Variants in TRAF3IP1 observed in about 807,000 individuals in gnomAD.
The protein encoded by TRAF3IP1 is TRAF3-interacting protein 1.
A neutral mutation model predicts 89.9 loss-of-function variants in TRAF3IP1; 53 were observed. That is an observed-to-expected ratio of 0.59 (90% CI 0.47 to 0.74). The LOEUF (loss-of-function observed/expected upper bound fraction) is 0.74, where lower values mean the gene tolerates loss of function less well. Among genes scored for constraint, TRAF3IP1 ranks in the 30% least tolerant of loss-of-function variants. The probability of loss-of-function intolerance (pLI) is 0.00; values close to 1 mark genes in which losing one functional copy is unlikely to be tolerated. For missense variants in TRAF3IP1, 806 were observed against 866.1 expected (o/e 0.93, Z 0.87); for synonymous variants, 311 against 322.1 (o/e 0.97, Z 0.37).
In TRAF3IP1 at chr2:238,397,356, C is replaced by T. The variant is rs187704235; in HGVS notation, c.1690-103C>T. 519 of 955,564 alleles carry T rather than the reference C, an allele frequency of 5.4e-4. 1 individual carries two copies. In the African/African-American group the frequency reaches 6.2e-3, roughly 11 times the overall value. The allele number at this position is 955,564 out of a possible 1,614,324, so 59.2% of individuals were successfully genotyped here. On this transcript the variant is annotated intron_variant, in intron 15 of 16. Transcript: ENST00000373327. Reference sequence around the variant, plus strand: ...CCACAACCAGCACTGTCTCTGCCTGCGCCTTTCCTCCCAGCCCCATGGCCG... The same window carrying T: ...CCACAACCAGCACTGTCTCTGCCTGTGCCTTTCCTCCCAGCCCCATGGCCG...
rs149016085 is a variant in TRAF3IP1 at position 238,334,011 on chromosome 2, C to T, written c.1039C>T (p.Arg347Trp). ...GTCATTGACAACAAAAACATCAAAA[C>T]GGCGATCCAAAAATTCAGTGGAAGG... ...SKSLTTKTSK[R>W]RSKNSVEGRK... The change falls in exon 7 of 17, where the codon CGG (arginine) becomes TGG (tryptophan). Residue 347 changes from arginine to tryptophan, a missense_variant. Arg to Trp is a moderately radical substitution (Grantham distance 101). This residue lies in a region of TRAF3IP1 where 732 missense variants were observed against 780.5 expected (regional missense o/e 0.94). Coordinates refer to ENST00000373327, the MANE Select transcript of TRAF3IP1 (RefSeq NM_015650.4). 550 of 1,610,848 alleles carry T rather than the reference C, an allele frequency of 3.4e-4. No homozygotes were observed. The highest frequency in any genetic ancestry group is 5.4e-4 in the Admixed American group (32 of 59,662).
In TRAF3IP1 at chr2:238,398,962, A is replaced by T. The variant is rs1559402779; in HGVS notation, c.*43A>T. 2.6e-6 allele frequency: 4 copies of T among 1,530,678 alleles called. No homozygotes were observed. Among genetic ancestry groups the T allele is most frequent in the Non-Finnish European group, 3.5e-6 (4 of 1,134,990 alleles). 94.8% of individuals were successfully genotyped at this position (1,530,678 alleles called of 1,614,324 possible). On this transcript the variant is annotated 3_prime_UTR_variant, in exon 17 of 17. Coordinates refer to ENST00000373327, the MANE Select transcript of TRAF3IP1 (RefSeq NM_015650.4). ...AGATGAAAAGTCACCTCAGTTTAAAAGCAAAAAGGAAGATAGAAAATCATT... is the reference window on the plus strand; with the variant it reads ...AGATGAAAAGTCACCTCAGTTTAAATGCAAAAAGGAAGATAGAAAATCATT...
Position 238,325,301 on chromosome 2 carries a change from T to G in TRAF3IP1, c.124-5T>G, listed in dbSNP as rs1553609359. ...GACATGGTGGCCTTTCTTTCTCTCT[T>G]GAAGGTGATTAGAATGACTGGTTTC... On this transcript the variant is annotated splice_polypyrimidine_tract_variant and splice_region_variant and intron_variant, in intron 1 of 16. Transcript: ENST00000373327. 2 of 1,614,108 alleles carry G rather than the reference T, an allele frequency of 1.2e-6. No individual in the cohort carries two copies. Among genetic ancestry groups the G allele is most frequent in the Non-Finnish European group, 8.5e-7 (1 of 1,179,994 alleles).
intron 15 of TRAF3IP1, among the ~76,000 whole-genome samples, chr2:238,362,155 C>A (rs539076987): frequency 8.3e-4 from 127 of 152,300 alleles, no homozygotes; most frequent in African/African-American, 3.0e-3. Context: ...CCTGCCGGGC[C>A]AGTCCCCCTT....
At chr2:238,347,620 GTATT>G (rs987589206) in intron 10 of TRAF3IP1, 145 bp downstream of exon 10, 72 of 733,820 alleles carry the variant, frequency 9.8e-5, no homozygotes, top group Non-Finnish European at 1.1e-4. Flanking sequence ...CTACCCTAAT[GTATT>G]TATTTATTTA....
At position 238,344,575 on chromosome 2, in the gene TRAF3IP1, C is replaced by T. The variant is rs770529009; in HGVS notation, c.1238C>T (p.Pro413Leu). 1 of 1,614,084 alleles carries T rather than the reference C, an allele frequency of 6.2e-7. No homozygotes were observed. Among genetic ancestry groups the T allele is most frequent in the Middle Eastern group, 1.6e-4 (1 of 6,062 alleles). ...SASLRCENIQ[P>L]NPTEKQKGDS... ...AGTCTGCGGTGTGAGAATATTCAGC[C>T]CAACCCCACAGAGAAGCAGAAAGGT... The change falls in exon 9 of 17, where the codon CCC becomes CTC. Residue 413 changes from proline to leucine, a missense_variant. Pro to Leu is a moderately conservative substitution (Grantham distance 98, BLOSUM62 -3). Around this residue, in one of 3 missense-constraint regions of TRAF3IP1, gnomAD observed 732 missense variants for 780.5 expected, o/e 0.94. Transcript: ENST00000373327.
In TRAF3IP1 at chr2:238,351,864, T is replaced by TGCGCGCGC. The variant is rs1247267370; in HGVS notation, c.1452-962_1452-961insCGCGCGCG. Among the ~76,000 whole-genome samples the TGCGCGCGC allele has an allele frequency of 8.9e-6, 1 of 112,240 alleles. No homozygotes were observed. The highest frequency in any genetic ancestry group is 1.8e-5 in the Non-Finnish European group (1 of 56,734). The allele number at this position is 112,240 out of a possible 152,430, so 73.6% of individuals were successfully genotyped here. On this transcript the variant is annotated intron_variant, in intron 12 of 16. Transcript: ENST00000373327. This position sits in a 1 kb window ranked among gnomAD's most constrained non-coding sequence, Gnocchi z 5.2. ...GTGTGTGTGTGTGTGTGTGTGTGTG[T>TGCGCGCGC]GTGCGCGCGCGCGCGTGTGCGTGCA...
At chr2:238,374,815 T>C (rs1177366999) in intron 15 of TRAF3IP1, among the ~76,000 whole-genome samples, 1 of 152,210 alleles carries the variant, frequency 6.6e-6, no homozygotes, top group Non-Finnish European at 1.5e-5. Context: ...GAGCCTGTTA[T>C]TGGTCTATTC....
At chr2:238,342,098 C>T (rs1049510261) in intron 8 of TRAF3IP1, among the ~76,000 whole-genome samples, 2 of 152,088 alleles carry the variant, frequency 1.3e-5, no homozygotes, top group African/African-American at 4.8e-5. Flanking sequence ...AGGGGATTCT[C>T]ATGTCTCAGC....
At chr2:238,340,197 C>T (rs1698574846) in intron 8 of TRAF3IP1, among the ~76,000 whole-genome samples, 1 of 152,312 alleles carries the variant, frequency 6.6e-6, no homozygotes, top group African/African-American at 2.4e-5. Flanking sequence ...TCTCTGTCCT[C>T]GCAGTTGCAG....
chr2:238,398,721 G>C, intron 16 of TRAF3IP1, 33 bp from the exon 17 acceptor site: 1 of 1,542,198 alleles, frequency 6.5e-7, no homozygotes, highest in South Asian at 1.3e-5. Context: ...TGAGATGAGA[G>C]AGTGATGAGC....
intron 6 of TRAF3IP1, 105 bp downstream of exon 6, chr2:238,333,000 GGTCT>G (rs1698205303): frequency 1.2e-6 from 1 of 806,128 alleles, no homozygotes; most frequent in East Asian, 2.5e-5. Flanking sequence ...AGGAGCACAT[GGTCT>G]GGGCCTATCT....
chr2:238,340,725 A>T (rs530557711), intron 8 of TRAF3IP1, among the ~76,000 whole-genome samples: 1 of 152,282 alleles, frequency 6.6e-6, no homozygotes, highest in Non-Finnish European at 1.5e-5. Context: ...ATGGAAAAGT[A>T]GAAAGAATAG....
intron 5 of TRAF3IP1, among the ~76,000 whole-genome samples, chr2:238,331,409 G>A (rs1481937338): frequency 1.3e-5 from 2 of 152,106 alleles, no homozygotes; most frequent in Admixed American, 6.5e-5. Flanking sequence ...CTCGGGAGGC[G>A]GAGGTTGCAG....
chr2:238,322,363 A>G (rs1697593320), intron 1 of TRAF3IP1, among the ~76,000 whole-genome samples: 1 of 152,204 alleles, frequency 6.6e-6, no homozygotes, highest in African/African-American at 2.4e-5. Context: ...TCACTACCGC[A>G]TAGTTGGTCA....
chr2:238,368,255 T>C (rs1012807397), intron 15 of TRAF3IP1, among the ~76,000 whole-genome samples: 1 of 152,182 alleles, frequency 6.6e-6, no homozygotes, highest in African/African-American at 2.4e-5. Context: ...GACGAAACAA[T>C]GGCACAACTT....
At chr2:238,392,218 A>T (rs1373320181) in intron 15 of TRAF3IP1, among the ~76,000 whole-genome samples, 1 of 152,186 alleles carries the variant, frequency 6.6e-6, no homozygotes, top group Non-Finnish European at 1.5e-5. Flanking sequence ...AAAATAGTAG[A>T]AAAAGAAATA....
chr2:238,343,664 TTTC>T (rs981907557), intron 8 of TRAF3IP1, among the ~76,000 whole-genome samples: 14 of 149,266 alleles, frequency 9.4e-5, no homozygotes, highest in African/African-American at 3.3e-4. Context: ...TTTTTTTTTT[TTTC>T]CCCGAGATAG....
intron 15 of TRAF3IP1, among the ~76,000 whole-genome samples, chr2:238,358,890 C>T (rs1025583399): frequency 6.6e-6 from 1 of 152,222 alleles, no homozygotes; most frequent in African/African-American, 2.4e-5. Flanking sequence ...TCCTAGCATT[C>T]AAGAGCCAGT....
Sources: allele counts gnomAD v4.1 joint callset (sites outside exome capture counted in the v4.1 genomes callset), GRCh38; gene constraint gnomAD v4.1.1; regional missense constraint gnomAD v4.1.1; non-coding constraint Gnocchi (gnomAD v3.1); transcripts MANE v1.5; gene names NCBI Gene and HGNC (gene_info 2026-07-23, HGNC 2026-07-21).